Variants in AK8 observed in about 807,000 individuals in gnomAD.
AK8 encodes the protein ATP-AMP transphosphorylase 8.
AK8 carries 44 observed loss-of-function variants against 54.6 expected under a neutral mutation model. That is an observed-to-expected ratio of 0.81 (90% CI 0.63 to 1.04). AK8 has a LOEUF of 1.04. AK8 is among the 50% of genes least tolerant of loss of function. The pLI is 0.00. For synonymous variants in AK8, 239 were observed against 245.6 expected (o/e 0.97, Z 0.25); for missense variants, 555 against 613.6 (o/e 0.90, Z 1.01).
At chr9:132,875,041 G>A in intron 2 of AK8, 74 bp downstream of exon 2, 3 of 1,574,918 alleles carry the variant, frequency 1.9e-6, no homozygotes, top group Non-Finnish European at 1.7e-6. Context: ...GGAGGCAGAG[G>A]AGTCAGGGAA....
chr9:132,828,539 C>T (rs555488278), intron 6 of AK8, 106 bp downstream of exon 6: 20 of 936,154 alleles, frequency 2.1e-5, no homozygotes, highest in South Asian at 6.4e-5. Context: ...GGGTCTCAGA[C>T]GGTGCCTGGG....
chr9:132,779,025 C>T (rs911371651), intron 11 of AK8, among the ~76,000 whole-genome samples: 1 of 152,046 alleles, frequency 6.6e-6, no homozygotes. Context: ...AGGCTACCTT[C>T]CCCACTTCCA....
chr9:132,788,520 C>A (rs1839810551), intron 11 of AK8, among the ~76,000 whole-genome samples: 1 of 152,144 alleles, frequency 6.6e-6, no homozygotes, highest in African/African-American at 2.4e-5. Flanking sequence ...TGACAGAAAC[C>A]TTTATGCACT....
At chr9:132,865,695 C>T (rs1487766827) in intron 3 of AK8, among the ~76,000 whole-genome samples, 1 of 152,124 alleles carries the variant, frequency 6.6e-6, no homozygotes, top group East Asian at 1.9e-4. Context: ...CGCCTGTAGT[C>T]CCAGCTTCTC....
intron 11 of AK8, among the ~76,000 whole-genome samples, chr9:132,774,176 A>C (rs1839103837): frequency 6.6e-6 from 1 of 152,016 alleles, no homozygotes; most frequent in South Asian, 2.1e-4. Context: ...CCCAGGAGAG[A>C]AAAGGAGGCA....
chr9:132,774,499 G>C (rs1839122314), intron 11 of AK8, among the ~76,000 whole-genome samples: 1 of 152,122 alleles, frequency 6.6e-6, no homozygotes, highest in Non-Finnish European at 1.5e-5. Context: ...CACAGTGCCG[G>C]GTTCAGCAGT....
intron 11 of AK8, among the ~76,000 whole-genome samples, chr9:132,735,164 G>T (rs1837041679): frequency 6.6e-6 from 1 of 152,038 alleles, no homozygotes; most frequent in African/African-American, 2.4e-5. Flanking sequence ...GTCACTCTGA[G>T]CATTGGTGTC....
chr9:132,761,264 C>CTTTTTTTTT (rs1271795125), intron 11 of AK8, among the ~76,000 whole-genome samples: 1 of 100,120 alleles, frequency 1.0e-5, no homozygotes, highest in African/African-American at 5.2e-5. Context: ...CTTTTCTTTT[C>CTTTTTTTTT]TTTTCTTTTT....
At position 132,791,711 on chromosome 9, in the gene AK8, G is replaced by C. The variant is rs1208777449; in HGVS notation, c.1121+923C>G. 6.6e-6 allele frequency among the ~76,000 whole-genome samples: 1 copy of C among 152,088 alleles called. No individual in the cohort carries two copies. The highest frequency in any genetic ancestry group is 2.4e-5 in the African/African-American group (1 of 41,380). On this transcript the variant is annotated intron_variant, in intron 11 of 12. Transcript: ENST00000298545. The surrounding 1 kb of genome is among the most constrained non-coding windows in gnomAD (Gnocchi z 4.0). Reference sequence around the variant, plus strand: ...GAGACTAAACACACAGTTTGATGATGGTCAGACCATATATAAAAAGAGAAC... The same window carrying C: ...GAGACTAAACACACAGTTTGATGATCGTCAGACCATATATAAAAAGAGAAC...
At chr9:132,861,102 C>T (rs1466111447) in intron 4 of AK8, among the ~76,000 whole-genome samples, 1 of 152,192 alleles carries the variant, frequency 6.6e-6, no homozygotes, top group African/African-American at 2.4e-5. Context: ...TGAGATTTCA[C>T]AACAAACACT....
rs114964149 is a variant in AK8 at position 132,799,380 on chromosome 9, C to T, written c.980-6605G>A. On this transcript the variant is annotated intron_variant, in intron 10 of 12. Coordinates refer to ENST00000298545, the MANE Select transcript of AK8 (RefSeq NM_152572.3). This position sits in a 1 kb window ranked among gnomAD's most constrained non-coding sequence, Gnocchi z 5.0. ...CTAAGGTTGATTGCTAGACTCACGA[C>T]AAGCCATGTGAGCCTCCTTGGCACC... 6.7e-3 allele frequency among the ~76,000 whole-genome samples: 1,020 copies of T among 152,240 alleles called. 5 individuals are homozygous for T. Among genetic ancestry groups the T allele is most frequent in the African/African-American group, 0.019 (790 of 41,518 alleles).
chr9:132,855,925 T>C (rs1268445914), intron 4 of AK8, among the ~76,000 whole-genome samples: 4 of 152,106 alleles, frequency 2.6e-5, no homozygotes, highest in Admixed American at 1.3e-4. Flanking sequence ...CCCTGACTGG[T>C]CTAAGCCAAT....
rs955109344 is a variant in AK8, at chr9:132,809,630, C to T, written c.979+5008G>A. Among the ~76,000 whole-genome samples, 6 of 152,214 alleles carry T rather than the reference C, an allele frequency of 3.9e-5. No homozygotes were observed. The East Asian group carries it at 7.7e-4, about 20-fold the overall frequency. ...CTCCAGGCCTGGCCTCCAAAGGGCA[C>T]GTTAAGCCCAAATGTGACCTGGGTT... On this transcript the variant is annotated intron_variant, in intron 10 of 12. Coordinates refer to ENST00000298545, the MANE Select transcript of AK8 (RefSeq NM_152572.3).
intron 5 of AK8, among the ~76,000 whole-genome samples, chr9:132,853,517 T>C (rs2131380076): frequency 6.6e-6 from 1 of 151,822 alleles, no homozygotes; most frequent in African/African-American, 2.4e-5. Context: ...AAGTGGAGGC[T>C]GGGTGTGGCG....
At chr9:132,733,311 C>T (rs939207537) in intron 11 of AK8, among the ~76,000 whole-genome samples, 19 of 151,306 alleles carry the variant, frequency 1.3e-4, no homozygotes, top group African/African-American at 3.7e-4. Context: ...TGTGAACACG[C>T]GGCCCCCCTT....
intron 11 of AK8, among the ~76,000 whole-genome samples, chr9:132,772,291 T>C (rs528951765): frequency 1.3e-5 from 2 of 152,358 alleles, no homozygotes; most frequent in African/African-American, 2.4e-5. Flanking sequence ...TAGGGTTGAA[T>C]TGTGTTCCAC....
At chr9:132,757,026 G>A (rs1838217542) in intron 11 of AK8, among the ~76,000 whole-genome samples, 1 of 152,182 alleles carries the variant, frequency 6.6e-6, no homozygotes, top group Non-Finnish European at 1.5e-5. Flanking sequence ...TATATCAGTT[G>A]TGAATTAAAT....
Position 132,803,171 on chromosome 9 carries a change from C to CACGAGA in AK8, c.980-10397_980-10396insTCTCGT. On this transcript the variant is annotated intron_variant, in intron 10 of 12. Transcript: ENST00000298545. The surrounding 1 kb of genome is among the most constrained non-coding windows in gnomAD (Gnocchi z 4.4). ...ATCACGAGAACAGCATGGAGGTAAC[C>CACGAGA]ACCCCCAAGATTCAATTACCTCCCA... is the stretch of plus-strand genomic sequence containing the variant. Among the ~76,000 whole-genome samples the CACGAGA allele has an allele frequency of 6.6e-6, 1 of 152,226 alleles. No homozygotes were observed. The highest frequency in any genetic ancestry group is 2.4e-5 in the African/African-American group (1 of 41,526).
chr9:132,839,780 C>G (rs1029494032), intron 5 of AK8, among the ~76,000 whole-genome samples: 2 of 145,564 alleles, frequency 1.4e-5, no homozygotes, highest in Non-Finnish European at 3.0e-5. Flanking sequence ...TGACAGAATA[C>G]CTGAAACTGT....
Sources: allele counts gnomAD v4.1 joint callset (sites outside exome capture counted in the v4.1 genomes callset), GRCh38; gene constraint gnomAD v4.1.1; non-coding constraint Gnocchi (gnomAD v3.1); transcripts MANE v1.5; gene names NCBI Gene and HGNC (gene_info 2026-07-23, HGNC 2026-07-21).